Variants in TSPAN9 observed in about 807,000 individuals in gnomAD.
The protein encoded by TSPAN9 is tetraspanin-9.
A neutral mutation model predicts 31.0 loss-of-function variants in TSPAN9; 16 were observed. The observed-to-expected ratio is 0.52, with a 90% CI of 0.35 to 0.78. The LOEUF (loss-of-function observed/expected upper bound fraction) is 0.78. TSPAN9 is among the 30% of genes least tolerant of loss of function. TSPAN9 has a pLI of 0.01. For missense variants in TSPAN9, 272 were observed against 312.5 expected (o/e 0.87, Z 0.98); for synonymous variants, 145 against 121.6 (o/e 1.19, Z -1.27).
intron 3 of TSPAN9, among the ~76,000 whole-genome samples, chr12:3,236,029 A>G (rs1024023797): frequency 1.3e-5 from 2 of 152,180 alleles, no homozygotes; most frequent in African/African-American, 4.8e-5. Context: ...TGTCCCTGTG[A>G]CTTGAGGCTG....
At chr12:3,282,893 C>T in intron 8 of TSPAN9, 152 bp from the exon 9 acceptor site, 1 of 700,690 alleles carries the variant, frequency 1.4e-6, no homozygotes, top group Non-Finnish European at 2.4e-6. Context: ...TCACGGTTTT[C>T]TTCATGTCTT....
intron 2 of TSPAN9, among the ~76,000 whole-genome samples, chr12:3,133,323 A>T: frequency 6.6e-6 from 1 of 152,226 alleles, no homozygotes; most frequent in East Asian, 1.9e-4. Context: ...CAGTTTGGTC[A>T]TCTGCCAGCA....
chr12:3,160,295 G>C (rs145009701), intron 2 of TSPAN9, among the ~76,000 whole-genome samples: 1 of 152,098 alleles, frequency 6.6e-6, no homozygotes, highest in Non-Finnish European at 1.5e-5. Flanking sequence ...TTTTGATTAC[G>C]CAATAATATT....
intron 3 of TSPAN9, among the ~76,000 whole-genome samples, chr12:3,267,944 G>A (rs941861706): frequency 6.6e-6 from 1 of 152,176 alleles, no homozygotes; most frequent in African/African-American, 2.4e-5. Context: ...GAGGCTCCAC[G>A]CTGCCTTCTG....
intron 5 of TSPAN9, among the ~76,000 whole-genome samples, chr12:3,279,635 C>T (rs527578340): frequency 1.3e-5 from 2 of 152,282 alleles, no homozygotes; most frequent in South Asian, 2.1e-4. Flanking sequence ...CGAGGTTGGC[C>T]GGGATTTCAG....
intron 3 of TSPAN9, among the ~76,000 whole-genome samples, chr12:3,206,830 G>A (rs566492631): frequency 6.6e-6 from 1 of 152,328 alleles, no homozygotes; most frequent in East Asian, 1.9e-4. Flanking sequence ...GCGTATTAGA[G>A]ACAAGATATA....
At chr12:3,079,245 C>G (rs1257452057) in intron 1 of TSPAN9, among the ~76,000 whole-genome samples, 11 of 152,124 alleles carry the variant, frequency 7.2e-5, no homozygotes, top group Non-Finnish European at 1.2e-4. Flanking sequence ...TCCCACAGTG[C>G]TGGGATTATA....
At chr12:3,268,012 C>T (rs1426762765) in intron 3 of TSPAN9, among the ~76,000 whole-genome samples, 1 of 152,230 alleles carries the variant, frequency 6.6e-6, no homozygotes, top group African/African-American at 2.4e-5. Context: ...GTCCTCCTCA[C>T]CCCCTACTCT....
At position 3,143,237 on chromosome 12, in the gene TSPAN9, T is replaced by A. The variant is rs927941938; in HGVS notation, c.-17-57940T>A. 1.1e-4 allele frequency among the ~76,000 whole-genome samples: 16 copies of A among 149,598 alleles called. No homozygotes were observed. Among genetic ancestry groups the A allele is most frequent in the African/African-American group, 3.7e-4 (15 of 40,980 alleles). Reference sequence around the variant, plus strand: ...GTATATAAAGTGGCCCCTTTTTCTTTATAATTAATAATATTTATAGTTATA... The same window carrying A: ...GTATATAAAGTGGCCCCTTTTTCTTAATAATTAATAATATTTATAGTTATA... On this transcript the variant is annotated intron_variant, in intron 2 of 8. Coordinates refer to ENST00000011898, the MANE Select transcript of TSPAN9 (RefSeq NM_006675.5). The surrounding 1 kb of genome is among the most constrained non-coding windows in gnomAD (Gnocchi z 4.2).
chr12:3,082,935 G>C (rs11062494), intron 1 of TSPAN9, among the ~76,000 whole-genome samples: 1 of 151,866 alleles, frequency 6.6e-6, no homozygotes, highest in Non-Finnish European at 1.5e-5. Flanking sequence ...GACCCCTCAC[G>C]ATCTCAAGAA....
At chr12:3,145,640 C>G (rs973885279) in intron 2 of TSPAN9, among the ~76,000 whole-genome samples, 3 of 152,154 alleles carry the variant, frequency 2.0e-5, no homozygotes, top group African/African-American at 7.2e-5. Context: ...ACCAGGTGTC[C>G]AGAGCTTCCC....
intron 2 of TSPAN9, among the ~76,000 whole-genome samples, chr12:3,127,170 G>A (rs1383054322): frequency 6.6e-6 from 1 of 151,706 alleles, no homozygotes; most frequent in East Asian, 2.0e-4. Flanking sequence ...GGAGGCTGAG[G>A]CAGGAGGATC....
intron 2 of TSPAN9, among the ~76,000 whole-genome samples, chr12:3,086,395 CCT>C (rs2098300515): frequency 6.6e-6 from 1 of 152,080 alleles, no homozygotes; most frequent in Admixed American, 6.6e-5. Flanking sequence ...CCCCTTCCGC[CCT>C]CTGTTTTCTC....
chr12:3,091,912 C>A (rs1429073342), intron 2 of TSPAN9, among the ~76,000 whole-genome samples: 1 of 152,182 alleles, frequency 6.6e-6, no homozygotes, highest in Admixed American at 6.5e-5. Flanking sequence ...TGGGAGCTCC[C>A]AGTGCCTCTG....
intron 3 of TSPAN9, among the ~76,000 whole-genome samples, chr12:3,213,693 G>A (rs754267048): frequency 6.6e-6 from 1 of 152,134 alleles, no homozygotes; most frequent in Non-Finnish European, 1.5e-5. Flanking sequence ...AGGGGAGTCT[G>A]AAAAGTGCAT....
chr12:3,245,191 C>A (rs1039391725), intron 3 of TSPAN9, among the ~76,000 whole-genome samples: 1 of 152,208 alleles, frequency 6.6e-6, no homozygotes, highest in African/African-American at 2.4e-5. Flanking sequence ...ACCAGACCAT[C>A]CAAGCGAGTG....
chr12:3,133,205 C>T (rs989474826), intron 2 of TSPAN9, among the ~76,000 whole-genome samples: 5 of 152,092 alleles, frequency 3.3e-5, no homozygotes, highest in Admixed American at 2.6e-4. Context: ...CATCTGCCTC[C>T]GTGCACAGGC....
intron 2 of TSPAN9, among the ~76,000 whole-genome samples, chr12:3,123,827 G>A (rs891890988): frequency 2.0e-5 from 3 of 152,122 alleles, no homozygotes; most frequent in African/African-American, 7.2e-5. Context: ...TTCCCACTTC[G>A]TATCCTGTGA....
At chr12:3,145,802 G>C (rs1307070128) in intron 2 of TSPAN9, among the ~76,000 whole-genome samples, 3 of 152,246 alleles carry the variant, frequency 2.0e-5, no homozygotes, top group Non-Finnish European at 4.4e-5. Context: ...GGGGTGTCAG[G>C]CTGGGAAATC....
Sources: gnomAD v4.1 joint callset for allele counts (sites outside exome capture counted in the v4.1 genomes callset) on GRCh38, gnomAD v4.1.1 for gene constraint, Gnocchi (gnomAD v3.1) non-coding constraint, MANE v1.5 for transcripts, NCBI Gene and HGNC (gene_info 2026-07-23, HGNC 2026-07-21) for gene names.